MATN2: variants seen among roughly 807,000 people sequenced by gnomAD.
MATN2 encodes matrilin-2.
Under a neutral mutation model 103.2 loss-of-function variants are expected in MATN2, and 69 were observed. The observed-to-expected ratio is 0.67, with a 90% confidence interval of 0.55 to 0.82. MATN2 has a LOEUF of 0.82. Among genes scored for constraint, MATN2 ranks in the 40% least tolerant of loss-of-function variants. The pLI, the probability that MATN2 is intolerant of heterozygous loss-of-function variation, is 0.00. For missense variants in MATN2, 1,023 were observed against 1,211.5 expected, an observed-to-expected ratio of 0.84 and a Z score of 2.31; for synonymous variants, 429 against 450.2, an observed-to-expected ratio of 0.95 and a Z score of 0.60.
At chr8:97,944,225 C>T (rs1810669413) in intron 4 of MATN2, among the ~76,000 whole-genome samples, 1 of 152,210 alleles carries the variant, frequency 6.6e-6, no homozygotes, top group African/African-American at 2.4e-5. Flanking sequence ...GCAGAGTCAA[C>T]AGGTCTGGAT....
intron 4 of MATN2, among the ~76,000 whole-genome samples, chr8:97,944,874 GA>G (rs1810694114): frequency 6.6e-6 from 1 of 152,176 alleles, no homozygotes; most frequent in African/African-American, 2.4e-5. Flanking sequence ...GGCGTAGCTG[GA>G]TAATCTCCCA....
chr8:97,925,380 G>A (rs973033614), intron 2 of MATN2, among the ~76,000 whole-genome samples: 5 of 151,864 alleles, frequency 3.3e-5, no homozygotes, highest in Non-Finnish European at 7.4e-5. Context: ...GTCATTCTCA[G>A]GCCATATTTA....
intron 13 of MATN2, chr8:98,025,055 G>A (rs1813737786): frequency 6.6e-6 from 1 of 152,202 alleles, no homozygotes; most frequent in African/African-American, 2.4e-5. Context: ...ACTCACTGCT[G>A]GAAAATTATT....
intron 1 of MATN2, among the ~76,000 whole-genome samples, chr8:97,875,033 G>T (rs1818023204): frequency 6.6e-6 from 1 of 152,010 alleles, no homozygotes; most frequent in African/African-American, 2.4e-5. Flanking sequence ...TACTTTTGAG[G>T]ACGCTCGTGA....
chr8:98,018,165 CAGTT>C (rs1563729275), intron 12 of MATN2, 49 bp downstream of exon 12: 6 of 1,608,030 alleles, frequency 3.7e-6, no homozygotes, highest in East Asian at 2.2e-5. Context: ...TGGACTCAGA[CAGTT>C]AGAGAAGTTC....
At position 97,982,664 on chromosome 8, in the gene MATN2, T is replaced by C. The variant is rs1043213550; in HGVS notation, c.1081+3656T>C. On this transcript the variant is annotated intron_variant, in intron 6 of 18. Transcript: ENST00000254898. The surrounding 1 kb of genome is among the most constrained non-coding windows in gnomAD (Gnocchi z 4.3). ...TATGTTCATGAACCAGTACTATAAT[T>C]TGAAATATGTAAGTGGTGTTCAAAA... Among the ~76,000 whole-genome samples the C allele has an allele frequency of 6.6e-6, 1 of 152,218 alleles. No individual in the cohort carries two copies. Among genetic ancestry groups the C allele is most frequent in the Non-Finnish European group, 1.5e-5 (1 of 68,038 alleles).
At chr8:97,964,746 T>C (rs572297747) in intron 5 of MATN2, among the ~76,000 whole-genome samples, 91 of 152,220 alleles carry the variant, frequency 6.0e-4, no homozygotes, top group African/African-American at 2.1e-3. Context: ...CATTTCTTTT[T>C]ATTTTTAGAC....
intron 4 of MATN2, 122 bp from the exon 5 acceptor site, chr8:97,961,286 C>A: frequency 9.9e-7 from 1 of 1,012,640 alleles, no homozygotes; most frequent in South Asian, 2.5e-5. Flanking sequence ...CGTATCAAAC[C>A]TTACAATGTT....
chr8:97,924,174 C>T (rs1361374334), intron 2 of MATN2, among the ~76,000 whole-genome samples: 1 of 152,198 alleles, frequency 6.6e-6, no homozygotes, highest in Non-Finnish European at 1.5e-5. Context: ...TTAAATTCAA[C>T]TTTTACCAGC....
At chr8:97,927,244 A>G (rs1170836913) in intron 2 of MATN2, among the ~76,000 whole-genome samples, 3 of 152,144 alleles carry the variant, frequency 2.0e-5, no homozygotes, top group Admixed American at 6.5e-5. Flanking sequence ...CCCAGGTTCA[A>G]GCGATTCTCC....
chr8:98,029,441 A>G (rs1354566688), intron 14 of MATN2, among the ~76,000 whole-genome samples: 1 of 152,242 alleles, frequency 6.6e-6, no homozygotes, highest in Non-Finnish European at 1.5e-5. Flanking sequence ...CACATCACAC[A>G]AAGACAGGTG....
intron 2 of MATN2, among the ~76,000 whole-genome samples, chr8:97,899,856 C>G (rs1412224690): frequency 1.3e-5 from 2 of 152,184 alleles, no homozygotes; most frequent in African/African-American, 4.8e-5. Flanking sequence ...TAAATAGCCT[C>G]TTTTTCCTTT....
intron 13 of MATN2, among the ~76,000 whole-genome samples, chr8:98,026,661 CT>C (rs1162729658): frequency 6.6e-6 from 1 of 152,150 alleles, no homozygotes; most frequent in African/African-American, 2.4e-5. Context: ...TTACTGAACA[CT>C]TTTTTTGTGC....
In MATN2 at chr8:98,027,699, T is replaced by G; in HGVS notation, c.2226T>G (p.Phe742Leu). 1 of 1,613,942 alleles carries G rather than the reference T, an allele frequency of 6.2e-7. No homozygotes were observed. The highest frequency in any genetic ancestry group is 8.5e-7 in the Non-Finnish European group (1 of 1,179,862). The change falls in exon 14 of 19, where the codon TTT (phenylalanine) becomes TTG (leucine). Residue 742 changes from phenylalanine (F) to leucine (L), a missense_variant. By Grantham distance (22) the Phe-to-Leu change is conservative. Transcript: ENST00000254898. Reference protein sequence around the residue: ...SMTGLALKHMFERSFTQGEGA... With the variant: ...SMTGLALKHMLERSFTQGEGA... ...CTGGGCTGGCCCTGAAACACATGTTTGAGAGAAGTTTTACCCAAGGAGAAG... is the reference window on the plus strand; with the variant it reads ...CTGGGCTGGCCCTGAAACACATGTTGGAGAGAAGTTTTACCCAAGGAGAAG...
chr8:97,914,358 CTTTTTTTTTTTT>C (rs149996231), intron 2 of MATN2, among the ~76,000 whole-genome samples: 6 of 52,936 alleles, frequency 1.1e-4, no homozygotes, highest in African/African-American at 1.6e-4. Context: ...AAATCCAGAC[CTTTTTTTTTTTT>C]TTTTTTTTTT....
At chr8:97,991,349 G>A (rs756828237) in intron 6 of MATN2, among the ~76,000 whole-genome samples, 4 of 152,166 alleles carry the variant, frequency 2.6e-5, no homozygotes, top group Non-Finnish European at 5.9e-5. Context: ...CAACTCCTGG[G>A]CTCATGAGAT....
At chr8:97,897,736 G>A (rs150178055) in intron 2 of MATN2, among the ~76,000 whole-genome samples, 264 of 152,244 alleles carry the variant, frequency 1.7e-3, no homozygotes, top group Non-Finnish European at 3.2e-3. Flanking sequence ...TGTCATGGCC[G>A]CCCTCAGCAC....
At chr8:97,961,061 C>T (rs1010695063) in intron 4 of MATN2, among the ~76,000 whole-genome samples, 2 of 152,118 alleles carry the variant, frequency 1.3e-5, no homozygotes, top group Non-Finnish European at 2.9e-5. Flanking sequence ...GTGATCCGCC[C>T]ACCTCGGCCT....
intron 2 of MATN2, among the ~76,000 whole-genome samples, chr8:97,921,617 T>A (rs1019463200): frequency 3.9e-5 from 6 of 152,162 alleles, no homozygotes; most frequent in South Asian, 2.1e-4. Context: ...AGCCTTTCAA[T>A]TACCCTTAAG....
Sources: gnomAD v4.1 joint callset for allele counts (sites outside exome capture counted in the v4.1 genomes callset) on GRCh38, gnomAD v4.1.1 for gene constraint, Gnocchi (gnomAD v3.1) non-coding constraint, MANE v1.5 for transcripts, NCBI Gene and HGNC (gene_info 2026-07-23, HGNC 2026-07-21) for gene names.